Variants in FBXW8 observed in about 807,000 individuals in gnomAD.
The protein encoded by FBXW8 is F-box/WD repeat-containing protein 8.
Under a neutral mutation model 65.3 loss-of-function variants are expected in FBXW8, and 57 were observed. The ratio of observed to expected loss-of-function variants is 0.87; its 90% confidence interval spans 0.71 to 1.09. FBXW8 has a LOEUF of 1.09. FBXW8 is among the 50% of genes least tolerant of loss of function. The pLI, the probability that FBXW8 is intolerant of heterozygous loss-of-function variation, is 0.00. For missense variants in FBXW8, 777 were observed against 814.8 expected (o/e 0.95, Z 0.57); for synonymous variants, 308 against 330.2 (o/e 0.93, Z 0.73).
chr12:117,016,459 TG>T (rs1479109209), intron 8 of FBXW8, among the ~76,000 whole-genome samples: 1 of 152,010 alleles, frequency 6.6e-6, no homozygotes, highest in African/African-American at 2.4e-5. Flanking sequence ...ATTTTTTAAT[TG>T]GGCTGTCTTT....
At chr12:116,940,892 A>T (rs1882521857) in intron 2 of FBXW8, among the ~76,000 whole-genome samples, 1 of 152,198 alleles carries the variant, frequency 6.6e-6, no homozygotes, top group African/African-American at 2.4e-5. Flanking sequence ...CTTTAGATGT[A>T]CAAATGTTTT....
At chr12:117,007,492 G>A (rs1953706770) in intron 7 of FBXW8, among the ~76,000 whole-genome samples, 3 of 152,284 alleles carry the variant, frequency 2.0e-5, no homozygotes, top group South Asian at 4.1e-4. Context: ...GCAAAAATTT[G>A]CTCTGTAATT....
chr12:117,015,756 C>T (rs1171074932), intron 8 of FBXW8, among the ~76,000 whole-genome samples: 4 of 152,196 alleles, frequency 2.6e-5, no homozygotes, highest in Non-Finnish European at 4.4e-5. Context: ...AGTAGGTCCA[C>T]AAGGTTGTGC....
At chr12:116,963,266 C>T (rs1884098461) in intron 4 of FBXW8, among the ~76,000 whole-genome samples, 1 of 152,126 alleles carries the variant, frequency 6.6e-6, no homozygotes, top group Admixed American at 6.5e-5. Flanking sequence ...GGGTGCAGTA[C>T]TACTAGTAAA....
At chr12:116,921,772 A>T (rs756029722) in intron 1 of FBXW8, among the ~76,000 whole-genome samples, 1 of 151,856 alleles carries the variant, frequency 6.6e-6, no homozygotes, top group Non-Finnish European at 1.5e-5. Flanking sequence ...AGTCTTTAGT[A>T]ATATAATTGC....
chr12:116,990,989 C>T (rs930799530), intron 7 of FBXW8, among the ~76,000 whole-genome samples: 4 of 152,090 alleles, frequency 2.6e-5, no homozygotes, highest in African/African-American at 9.7e-5. Flanking sequence ...GTCTCTACCA[C>T]ACACACACAA....
At chr12:117,002,491 T>A (rs1459522002) in intron 7 of FBXW8, 3 of 152,218 alleles carry the variant, frequency 2.0e-5, no homozygotes, top group African/African-American at 7.2e-5. Flanking sequence ...GATTTGCATC[T>A]TGCCGGTTGC....
intron 4 of FBXW8, among the ~76,000 whole-genome samples, chr12:116,952,767 T>C (rs1883371220): frequency 6.6e-6 from 1 of 152,254 alleles, no homozygotes. Flanking sequence ...AGACACAGTC[T>C]CACTCTGTCG....
chr12:116,957,349 A>T (rs563343627), intron 4 of FBXW8, among the ~76,000 whole-genome samples: 13 of 152,040 alleles, frequency 8.6e-5, no homozygotes, highest in East Asian at 5.8e-4. Flanking sequence ...CTCAAAAAAA[A>T]TTTTTTTTTA....
intron 7 of FBXW8, among the ~76,000 whole-genome samples, chr12:117,005,822 G>A (rs1281543353): frequency 2.6e-5 from 4 of 152,190 alleles, no homozygotes; most frequent in Non-Finnish European, 5.9e-5. Flanking sequence ...AGAGCCAAGA[G>A]CCACATATGT....
At chr12:116,941,594 A>C (rs1322755065) in intron 2 of FBXW8, among the ~76,000 whole-genome samples, 1 of 152,246 alleles carries the variant, frequency 6.6e-6, no homozygotes, top group Non-Finnish European at 1.5e-5. Flanking sequence ...TGGTTGAATA[A>C]GGTATTGTAA....
intron 7 of FBXW8, among the ~76,000 whole-genome samples, chr12:116,993,423 T>C (rs1235125790): frequency 6.6e-6 from 1 of 152,160 alleles, no homozygotes; most frequent in Non-Finnish European, 1.5e-5. Flanking sequence ...TTTTTAATAA[T>C]GGCCTTTCTG....
intron 7 of FBXW8, among the ~76,000 whole-genome samples, chr12:117,009,669 CA>C (rs1488906626): frequency 6.6e-6 from 1 of 152,170 alleles, no homozygotes; most frequent in Non-Finnish European, 1.5e-5. Flanking sequence ...AGAGAAGACA[CA>C]GAGGTGTTCT....
chr12:117,000,333 G>A (rs1358407085), intron 7 of FBXW8, among the ~76,000 whole-genome samples: 1 of 152,234 alleles, frequency 6.6e-6, no homozygotes, highest in East Asian at 1.9e-4. Flanking sequence ...CAGATTGGCA[G>A]CAATTTGGAA....
rs150179211 is a variant in FBXW8, at chr12:116,970,072, G to A, written c.835+5218G>A. 5.6e-3 allele frequency among the ~76,000 whole-genome samples: 852 copies of A among 152,300 alleles called. 6 individuals carry two copies. The highest frequency in any genetic ancestry group is 9.5e-3 in the Non-Finnish European group (643 of 68,026). On this transcript the variant is annotated intron_variant, in intron 5 of 10. Coordinates refer to ENST00000652555, the MANE Select transcript of FBXW8 (RefSeq NM_153348.3). ...GAGCAGATGCTGCTAATGCAGGGACGGCGGAGACCTTGCCAGGACTCCATC... is the reference window on the plus strand; with the variant it reads ...GAGCAGATGCTGCTAATGCAGGGACAGCGGAGACCTTGCCAGGACTCCATC...
chr12:116,915,898 G>A (rs1593031595), intron 1 of FBXW8, among the ~76,000 whole-genome samples: 1 of 151,864 alleles, frequency 6.6e-6, no homozygotes, highest in South Asian at 2.1e-4. Flanking sequence ...TGATCTGCCC[G>A]CCTCGGCCTC....
At chr12:117,010,214 C>A in intron 7 of FBXW8, 109 bp from the exon 8 acceptor site, 1 of 1,506,572 alleles carries the variant, frequency 6.6e-7, no homozygotes, top group Non-Finnish European at 9.1e-7. Flanking sequence ...AACATCTTCA[C>A]GGGAGCTCAG....
At chr12:116,995,665 T>C (rs1454030720) in intron 7 of FBXW8, among the ~76,000 whole-genome samples, 1 of 151,966 alleles carries the variant, frequency 6.6e-6, no homozygotes, top group Non-Finnish European at 1.5e-5. Flanking sequence ...TAAATTAAAT[T>C]GGATTCTTAG....
chr12:117,015,952 G>A (rs1953938949), intron 8 of FBXW8, among the ~76,000 whole-genome samples: 1 of 152,124 alleles, frequency 6.6e-6, no homozygotes, highest in African/African-American at 2.4e-5. Context: ...TTTTATGACT[G>A]GCTTATTCCA....
Sources: allele counts gnomAD v4.1 joint callset (sites outside exome capture counted in the v4.1 genomes callset), GRCh38; gene constraint gnomAD v4.1.1; transcripts MANE v1.5; gene names NCBI Gene and HGNC (gene_info 2026-07-23, HGNC 2026-07-21).